CC2D2A: variants seen among roughly 807,000 people sequenced by gnomAD.
The protein encoded by CC2D2A is coiled-coil and C2 domain containing 2A.
In CC2D2A, 155 loss-of-function variants were observed where a neutral mutation model predicts 212.9. That is an observed-to-expected ratio of 0.73 (90% CI 0.64 to 0.83). CC2D2A has a LOEUF of 0.83. CC2D2A is among the 40% of genes least tolerant of loss of function. CC2D2A has a pLI of 0.00. For synonymous variants in CC2D2A, 667 were observed against 686.5 expected (o/e 0.97, Z 0.44); for missense variants, 1,856 against 1,956.2 (o/e 0.95, Z 0.97).
chr4:15,483,771 T>C (rs1714835251), intron 4 of CC2D2A, among the ~76,000 whole-genome samples: 1 of 152,230 alleles, frequency 6.6e-6, no homozygotes, highest in Non-Finnish European at 1.5e-5. Context: ...GTTGACTCCT[T>C]ACTGGCCTCT....
chr4:15,555,666 A>C (rs1719240636), intron 20 of CC2D2A, among the ~76,000 whole-genome samples: 1 of 152,168 alleles, frequency 6.6e-6, no homozygotes, highest in African/African-American at 2.4e-5. Context: ...TTGAGTCCAC[A>C]AGGTTGAGGC....
chr4:15,595,673 C>T (rs1364889183), intron 33 of CC2D2A, among the ~76,000 whole-genome samples: 2 of 152,184 alleles, frequency 1.3e-5, no homozygotes, highest in East Asian at 1.9e-4. Context: ...GCCTCACCAA[C>T]ACAAGGGCTA....
Position 15,557,377 on chromosome 4 carries a change from T to C in CC2D2A, c.2699T>C (p.Val900Ala), listed in dbSNP as rs1283645074. ...LEQLQQEFNF[V>A]SDQELNRSKR... is the part of the protein sequence containing the mutation. Reference sequence around the variant, plus strand: ...CAGCTGCAACAGGAGTTTAACTTTGTTTCAGATCAAGAATTAAATAGATCC... The same window carrying C: ...CAGCTGCAACAGGAGTTTAACTTTGCTTCAGATCAAGAATTAAATAGATCC... The change falls in exon 21 of 37, where the codon GTT becomes GCT. Residue 900 changes from valine to alanine, a missense_variant. Coordinates refer to ENST00000424120, the MANE Select transcript of CC2D2A (RefSeq NM_001378615.1). 4 of 1,613,790 alleles carry C rather than the reference T, an allele frequency of 2.5e-6. No homozygotes were observed. The highest frequency in any genetic ancestry group is 3.3e-5 in the Admixed American group (2 of 60,020).
At chr4:15,584,364 G>C (rs563724764) in intron 30 of CC2D2A, among the ~76,000 whole-genome samples, 1 of 152,116 alleles carries the variant, frequency 6.6e-6, no homozygotes, top group African/African-American at 2.4e-5. Flanking sequence ...ACAGCCAACT[G>C]ATTTTTGACT....
chr4:15,587,825 G>T lies in CC2D2A; in HGVS notation c.4075G>T (p.Asp1359Tyr). 1.3e-6 allele frequency: 2 copies of T among 1,598,866 alleles called. No individual in the cohort carries two copies. The highest frequency in any genetic ancestry group is 1.1e-5 in the South Asian group (1 of 90,694). Residue 1359 changes from aspartate to tyrosine, a missense_variant, in exon 32 of 37, where the codon GAT (aspartate) becomes TAT (tyrosine). By Grantham distance (160) the Asp-to-Tyr change is radical. This residue lies in a region of CC2D2A where 36 missense variants were observed against 35.5 expected (regional missense o/e 1.02). Transcript: ENST00000424120. ...DLWSTSDQFL[D>Y]LLAGDEEEHA... ...TTTTTCTTTTTGTCAGCAATTTCTT[G>T]ATCTCCTGGCAGGGGATGAAGAAGA... is the stretch of plus-strand genomic sequence containing the variant.
intron 11 of CC2D2A, among the ~76,000 whole-genome samples, chr4:15,523,377 T>C (rs1717322008): frequency 6.6e-6 from 1 of 152,216 alleles, no homozygotes; most frequent in South Asian, 2.1e-4. Flanking sequence ...CCCTGCAATG[T>C]GCAGGAGCCT....
rs370866477 is a variant in CC2D2A, at chr4:15,569,379, A to C, written c.3485A>C (p.Asp1162Ala). The C allele has an allele frequency of 2.6e-5, 40 of 1,558,762 alleles. No individual in the cohort carries two copies. The highest frequency in any genetic ancestry group is 3.1e-5 in the Non-Finnish European group (36 of 1,145,346). The change falls in exon 27 of 37, where the codon GAT (aspartate) becomes GCT (alanine). Residue 1162 changes from aspartate (D) to alanine (A), a missense_variant. This residue lies in a region of CC2D2A where 1,512 missense variants were observed against 1,579.3 expected (regional missense o/e 0.96). Coordinates refer to ENST00000424120, the MANE Select transcript of CC2D2A (RefSeq NM_001378615.1). ...FINIFDEVLH[D>A]VLEDDRERGS... is the part of the protein sequence containing the mutation. ...AACATTTTTGATGAAGTACTGCATG[A>C]TGTCTTAGAGGTAAGTTCTCAGTTT...
intron 17 of CC2D2A, among the ~76,000 whole-genome samples, chr4:15,547,102 CA>C (rs1718752060): frequency 6.6e-6 from 1 of 152,084 alleles, no homozygotes; most frequent in African/African-American, 2.4e-5. Context: ...TACATGCTAT[CA>C]TTTTAGATGG....
At chr4:15,510,416 C>A (rs775463982) in intron 7 of CC2D2A, among the ~76,000 whole-genome samples, 176 bp downstream of exon 7, 2 of 151,962 alleles carry the variant, frequency 1.3e-5, no homozygotes, top group Non-Finnish European at 2.9e-5. Context: ...GACAACATGG[C>A]GAAACCCCAT....
At chr4:15,509,461 G>A (rs1036027987) in intron 6 of CC2D2A, among the ~76,000 whole-genome samples, 2 of 152,004 alleles carry the variant, frequency 1.3e-5, no homozygotes, top group Admixed American at 6.6e-5. Context: ...TTTAGTAAAG[G>A]TGGGGTTTCA....
chr4:15,586,242 C>T lies in CC2D2A; in HGVS notation c.4061C>T (p.Ser1354Phe). ...FGGICDLWSTSDQFLDLLAGD... is the reference protein window; with the variant it reads ...FGGICDLWSTFDQFLDLLAGD... ...GGTATCTGTGACCTCTGGAGCACAT[C>T]TGATGTAAGTAGTTCTTCTTCACAG... Residue 1354 changes from serine (S) to phenylalanine (F), a missense_variant, in exon 31 of 37, where the codon TCT becomes TTT. Physicochemically the swap from Ser to Phe is radical, Grantham distance 155. Around this residue, in one of 5 missense-constraint regions of CC2D2A, gnomAD observed 36 missense variants for 35.5 expected, o/e 1.02. Transcript: ENST00000424120. 1 of 1,587,796 alleles carries T rather than the reference C, an allele frequency of 6.3e-7. No homozygotes were observed. Among genetic ancestry groups the T allele is most frequent in the Non-Finnish European group, 8.6e-7 (1 of 1,164,164 alleles).
chr4:15,527,362 G>A, intron 11 of CC2D2A, 85 bp from the exon 12 acceptor site: 1 of 989,296 alleles, frequency 1.0e-6, no homozygotes. Flanking sequence ...TTTTGCATCT[G>A]ACCGTTTTCC....
intron 28 of CC2D2A, among the ~76,000 whole-genome samples, chr4:15,572,523 A>G (rs1174345478): frequency 1.3e-5 from 2 of 151,404 alleles, no homozygotes; most frequent in African/African-American, 2.4e-5. Flanking sequence ...GGCTCTCACA[A>G]CTAATAAGAG....
chr4:15,596,299 T>A (rs933075242), intron 34 of CC2D2A, 92 bp downstream of exon 34: 6 of 1,160,022 alleles, frequency 5.2e-6, no homozygotes, highest in African/African-American at 4.7e-5. Context: ...CTGGGTAGTC[T>A]AGAACAGTAT....
intron 26 of CC2D2A, 23 bp downstream of exon 26, chr4:15,567,809 A>G: frequency 6.7e-7 from 1 of 1,489,512 alleles, no homozygotes; most frequent in Non-Finnish European, 9.2e-7. Context: ...TCCTCTTTAA[A>G]GAACTATAGG....
intron 4 of CC2D2A, among the ~76,000 whole-genome samples, chr4:15,488,858 C>T (rs1715150371): frequency 1.3e-5 from 2 of 152,252 alleles, no homozygotes; most frequent in African/African-American, 4.8e-5. Flanking sequence ...ACCAGAAACC[C>T]ATGCAGTGAA....
chr4:15,512,321 T>C (rs1024840756), intron 8 of CC2D2A, among the ~76,000 whole-genome samples: 2 of 152,156 alleles, frequency 1.3e-5, no homozygotes, highest in African/African-American at 2.4e-5. Context: ...CAAGTGTTCA[T>C]CGGAAGATAA....
At position 15,577,761 on chromosome 4, in the gene CC2D2A, ATTG is replaced by A. The variant is rs556441525; in HGVS notation, c.3772-2198_3772-2196del. 1.9e-4 allele frequency among the ~76,000 whole-genome samples: 29 copies of A among 151,660 alleles called. No individual in the cohort carries two copies. The South Asian group carries it at 6.0e-3, about 32-fold the overall frequency. On this transcript the variant is annotated intron_variant, in intron 29 of 36. Coordinates refer to ENST00000424120, the MANE Select transcript of CC2D2A (RefSeq NM_001378615.1). ...GGCCAATAATCAGTACTGATTCAAG[ATTG>A]TTGTTGTTCTTTTGGACAGTGCCTA... is the stretch of plus-strand genomic sequence containing the variant.
At chr4:15,576,742 T>G (rs1386984189) in intron 29 of CC2D2A, 1 of 152,698 alleles carries the variant, frequency 6.5e-6, no homozygotes, top group Admixed American at 6.5e-5. Flanking sequence ...GTGTAATGCC[T>G]GGGCATTGAA....
Sources: allele counts gnomAD v4.1 joint callset (sites outside exome capture counted in the v4.1 genomes callset), GRCh38; gene constraint gnomAD v4.1.1; regional missense constraint gnomAD v4.1.1; transcripts MANE v1.5; gene names NCBI Gene and HGNC (gene_info 2026-07-23, HGNC 2026-07-21).